IPCEF1: variants seen among roughly 807,000 people sequenced by gnomAD.
IPCEF1 encodes interaction protein for cytohesin exchange factors 1.
IPCEF1 carries 31 observed loss-of-function variants against 50.9 expected under a neutral mutation model. That is an observed-to-expected ratio of 0.61 (90% confidence interval 0.46 to 0.82). The LOEUF (loss-of-function observed/expected upper bound fraction) is 0.82. IPCEF1 is among the 40% of genes least tolerant of loss of function. The pLI is 0.00. For missense variants in IPCEF1, 458 were observed against 514.0 expected (o/e 0.89, Z 1.05); for synonymous variants, 181 against 192.0 (o/e 0.94, Z 0.47).
chr6:154,324,610 C>T (rs1191079110), intron 1 of IPCEF1, among the ~76,000 whole-genome samples: 2 of 152,070 alleles, frequency 1.3e-5, no homozygotes, highest in Non-Finnish European at 2.9e-5. Context: ...GAGTTTGAGA[C>T]CAGCCTGGCC....
chr6:154,316,628 G>A (rs1783226550), intron 1 of IPCEF1, among the ~76,000 whole-genome samples: 1 of 152,148 alleles, frequency 6.6e-6, no homozygotes, highest in Non-Finnish European at 1.5e-5. Context: ...AGGGGAAGAG[G>A]AGATGTTGGT....
intron 5 of IPCEF1, among the ~76,000 whole-genome samples, chr6:154,244,109 T>C (rs1300446995): frequency 6.6e-6 from 1 of 152,214 alleles, no homozygotes; most frequent in Non-Finnish European, 1.5e-5. Context: ...AGAGCGACTT[T>C]GTTGAATCTG....
chr6:154,247,514 G>A (rs774208077), intron 3 of IPCEF1, 26 bp from the exon 4 acceptor site: 1 of 1,606,778 alleles, frequency 6.2e-7, no homozygotes, highest in South Asian at 1.1e-5. Context: ...GGAAAGAAAA[G>A]AGGAAATTTC....
At chr6:154,223,124 A>G (rs774526726) in intron 6 of IPCEF1, 46 bp downstream of exon 6, 1 of 1,377,506 alleles carries the variant, frequency 7.3e-7, no homozygotes, top group East Asian at 2.3e-5. Flanking sequence ...TTATGAAGAG[A>G]TAGTATCCTG....
At chr6:154,327,269 T>A (rs1007191866) in intron 1 of IPCEF1, among the ~76,000 whole-genome samples, 1 of 151,854 alleles carries the variant, frequency 6.6e-6, no homozygotes, top group Non-Finnish European at 1.5e-5. Flanking sequence ...ATCATCAGAG[T>A]GAATAGAAAA....
intron 9 of IPCEF1, among the ~76,000 whole-genome samples, chr6:154,202,829 T>A (rs1777178646): frequency 6.6e-6 from 1 of 151,482 alleles, no homozygotes; most frequent in Non-Finnish European, 1.5e-5. Flanking sequence ...CTTATAAATT[T>A]CATTTTTAAA....
chr6:154,338,884 G>A (rs190651433), intron 1 of IPCEF1, among the ~76,000 whole-genome samples: 3 of 152,194 alleles, frequency 2.0e-5, no homozygotes, highest in Admixed American at 2.0e-4. Context: ...ACTTCAGTGA[G>A]CCAAGACTGC....
At chr6:154,312,509 G>A (rs531192552) in intron 1 of IPCEF1, among the ~76,000 whole-genome samples, 1 of 152,144 alleles carries the variant, frequency 6.6e-6, no homozygotes, top group South Asian at 2.1e-4. Flanking sequence ...ACCACACCCG[G>A]CTAATTTTTT....
At chr6:154,274,926 G>C (rs903699383) in intron 2 of IPCEF1, among the ~76,000 whole-genome samples, 1 of 152,214 alleles carries the variant, frequency 6.6e-6, no homozygotes, top group Non-Finnish European at 1.5e-5. Flanking sequence ...TAAGTTCCAT[G>C]ACACCTGCCT....
At chr6:154,338,868 G>A (rs545491579) in intron 1 of IPCEF1, among the ~76,000 whole-genome samples, 5 of 152,256 alleles carry the variant, frequency 3.3e-5, no homozygotes, top group East Asian at 1.9e-4. Flanking sequence ...GTTGCAGTGA[G>A]CTGAGACTTC....
intron 1 of IPCEF1, among the ~76,000 whole-genome samples, chr6:154,291,754 G>A (rs560710842): frequency 2.2e-5 from 3 of 136,470 alleles, no homozygotes; most frequent in East Asian, 2.3e-4. Flanking sequence ...GCACAATCTC[G>A]GCTCACTGCA....
At chr6:154,321,831 A>G (rs1488298893) in intron 1 of IPCEF1, among the ~76,000 whole-genome samples, 1 of 148,408 alleles carries the variant, frequency 6.7e-6, no homozygotes, top group Non-Finnish European at 1.5e-5. Flanking sequence ...AAAAGCTTTT[A>G]GAAGGTAGAG....
At chr6:154,325,923 T>C (rs563805327) in intron 1 of IPCEF1, among the ~76,000 whole-genome samples, 101 of 152,226 alleles carry the variant, frequency 6.6e-4, no homozygotes, top group African/African-American at 2.3e-3. Flanking sequence ...CATAGCCACA[T>C]TATTTAAGAA....
intron 10 of IPCEF1, among the ~76,000 whole-genome samples, chr6:154,169,831 C>T (rs1799732741): frequency 6.6e-6 from 1 of 152,190 alleles, no homozygotes; most frequent in African/African-American, 2.4e-5. Flanking sequence ...TCTGGTCAGG[C>T]CATTTGGGGC....
chr6:154,285,740 T>C (rs11964191), intron 2 of IPCEF1, among the ~76,000 whole-genome samples: 12,760 of 152,200 alleles, frequency 0.084, 944 homozygotes, highest in African/African-American at 0.2. Context: ...ACTGCCAGCA[T>C]ACAAGTTTTT....
intron 10 of IPCEF1, among the ~76,000 whole-genome samples, chr6:154,172,502 C>T (rs953028054): frequency 7.2e-5 from 11 of 152,230 alleles, no homozygotes; most frequent in Non-Finnish European, 8.8e-5. Flanking sequence ...ATGCCTGGCT[C>T]GGTGGGTCCC....
chr6:154,273,015 A>G (rs576150560), intron 2 of IPCEF1, among the ~76,000 whole-genome samples: 12 of 152,372 alleles, frequency 7.9e-5, no homozygotes, highest in African/African-American at 2.9e-4. Flanking sequence ...TGTTTTACAC[A>G]TTTTTAAAAC....
At chr6:154,231,285 A>G (rs1002367145) in intron 5 of IPCEF1, among the ~76,000 whole-genome samples, 2 of 152,268 alleles carry the variant, frequency 1.3e-5, no homozygotes, top group African/African-American at 4.8e-5. Context: ...ATGGAGAAAC[A>G]GTCATTCTCA....
chr6:154,327,521 A>G (rs1783551536), intron 1 of IPCEF1, among the ~76,000 whole-genome samples: 1 of 152,230 alleles, frequency 6.6e-6, no homozygotes, highest in Non-Finnish European at 1.5e-5. Flanking sequence ...ACAATGAGAT[A>G]CCATCTCACG....
Sources: allele counts gnomAD v4.1 joint callset (sites outside exome capture counted in the v4.1 genomes callset), GRCh38; gene constraint gnomAD v4.1.1; transcripts MANE v1.5; gene names NCBI Gene and HGNC (gene_info 2026-07-23, HGNC 2026-07-21).